The following MTMR4 variants were observed in gnomAD, a reference collection of about 807,000 sequenced individuals.
The protein encoded by MTMR4 is myotubularin related protein 4, also known as phosphatidylinositol-3,5-bisphosphate 3-phosphatase MTMR4.
In MTMR4, 30 loss-of-function variants were observed where a neutral mutation model predicts 125.5. The observed-to-expected ratio is 0.24, with a 90% CI of 0.18 to 0.32. The LOEUF (loss-of-function observed/expected upper bound fraction) is 0.32. Ranked by LOEUF, MTMR4 falls within the 10% of genes least tolerant of loss-of-function variation. The pLI is 1.00. For synonymous variants in MTMR4, 498 were observed against 564.5 expected, an observed-to-expected ratio of 0.88 and a Z score of 1.67; for missense variants, 1,039 against 1,511.5, an observed-to-expected ratio of 0.69 and a Z score of 5.18.
chr17:58,514,621 G>A lies in MTMR4; in HGVS notation c.-214C>T, dbSNP rs1035817748. On this transcript the variant is annotated 5_prime_UTR_variant, in exon 1 of 18. Coordinates refer to ENST00000682306, the MANE Select transcript of MTMR4 (RefSeq NM_001378067.1). Reference sequence around the variant, plus strand: ...CGGGCCCAGCTCCGCCCTCCCGCACGAGTGCAGAAGGGAGGGGAGCCAGGC... The same window carrying A: ...CGGGCCCAGCTCCGCCCTCCCGCACAAGTGCAGAAGGGAGGGGAGCCAGGC... 2.5e-5 allele frequency: 25 copies of A among 985,090 alleles called. No homozygotes were observed. In the African/African-American group the frequency reaches 4.2e-4, roughly 17 times the overall value. 61.0% of individuals were successfully genotyped at this position (985,090 alleles called of 1,614,324 possible).
At chr17:58,516,816 G>T (rs1212932771), upstream of MTMR4, among the ~76,000 whole-genome samples, 1 of 152,248 alleles carries the variant, frequency 6.6e-6, no homozygotes, top group Non-Finnish European at 1.5e-5. Context: ...AAGTGATCCT[G>T]CAGGGCATGA....
At chr17:58,516,419 A>G (rs916150871), upstream of MTMR4, among the ~76,000 whole-genome samples, 9 of 152,222 alleles carry the variant, frequency 5.9e-5, no homozygotes, top group African/African-American at 2.2e-4. Flanking sequence ...ATGTTTTGCA[A>G]TCTAAAGAAA....
At chr17:58,491,866 T>C (rs1488800711) in intron 17 of MTMR4, 26 bp from the exon 18 acceptor site, 1 of 1,604,488 alleles carries the variant, frequency 6.2e-7, no homozygotes, top group Non-Finnish European at 8.5e-7. Flanking sequence ...GAGGGAAGAG[T>C]TCATCAGAAA....
In MTMR4 at chr17:58,495,867, C is replaced by T; in HGVS notation, c.2317G>A (p.Glu773Lys). ...ACCTTGGAGAGTGCACTGACAGCTT[C>T]TGTTTCAGGACAATGTTCAGGTGGC... is the stretch of plus-strand genomic sequence containing the variant. ...GEPPEHCPET[E>K]AVSALSKVIS... The change falls in exon 15 of 18, where the codon GAA (glutamate) becomes AAA (lysine). Residue 773 changes from glutamate (E) to lysine (K), a missense_variant. Coordinates refer to ENST00000682306, the MANE Select transcript of MTMR4 (RefSeq NM_001378067.1). 1.2e-6 allele frequency: 2 copies of T among 1,614,182 alleles called. No individual in the cohort carries two copies. Among genetic ancestry groups the T allele is most frequent in the Non-Finnish European group, 1.7e-6 (2 of 1,180,042 alleles).
intron 14 of MTMR4, among the ~76,000 whole-genome samples, chr17:58,497,120 G>C (rs1349667452): frequency 1.3e-5 from 2 of 152,160 alleles, no homozygotes; most frequent in Non-Finnish European, 2.9e-5. Flanking sequence ...GCAGTTCAAA[G>C]TCCTTAGAGC....
rs1175782791 is a variant in MTMR4 at position 58,514,620 on chromosome 17, C to G, written c.-213G>C. ...GCGGGCCCAGCTCCGCCCTCCCGCA[C>G]GAGTGCAGAAGGGAGGGGAGCCAGG... On this transcript the variant is annotated 5_prime_UTR_variant, in exon 1 of 18. Coordinates refer to ENST00000682306, the MANE Select transcript of MTMR4 (RefSeq NM_001378067.1). The G allele has an allele frequency of 3.0e-6, 3 of 985,126 alleles. No individual in the cohort carries two copies. The African/African-American group carries it at 5.2e-5, about 17-fold the overall frequency. The allele number at this position is 985,126 out of a possible 1,614,324, so 61.0% of individuals were successfully genotyped here. A position where few individuals can be genotyped will look rare whatever the true frequency, so the allele number is the denominator to read the frequency against.
rs751929669 is a variant in MTMR4, at chr17:58,494,908, G to T, written c.3252+24C>A. 4 of 1,600,484 alleles carry T rather than the reference G, an allele frequency of 2.5e-6. No homozygotes were observed. The East Asian group carries it at 8.9e-5, about 36-fold the overall frequency. On this transcript the variant is annotated intron_variant, in intron 15 of 17. Coordinates refer to ENST00000682306, the MANE Select transcript of MTMR4 (RefSeq NM_001378067.1). ...TGGATGAACAGAGTAAATAATGGGT[G>T]TATGGCAGTTGGTGACTACTTACAA...
chr17:58,494,567 G>A (rs778548261), intron 15 of MTMR4, among the ~76,000 whole-genome samples: 2 of 152,010 alleles, frequency 1.3e-5, no homozygotes, highest in Non-Finnish European at 2.9e-5. Flanking sequence ...ATATATACTC[G>A]CATGTCCCAT....
chr17:58,512,995 C>T lies in MTMR4; in HGVS notation c.46-54G>A, dbSNP rs370980060. The T allele has an allele frequency of 8.6e-6, 11 of 1,280,970 alleles. No homozygotes were observed. The highest frequency in any genetic ancestry group is 3.0e-5 in the African/African-American group (2 of 67,666). 79.4% of individuals were successfully genotyped at this position (1,280,970 alleles called of 1,614,324 possible). On this transcript the variant is annotated intron_variant, in intron 1 of 17. Transcript: ENST00000682306. This position sits in a 1 kb window ranked among gnomAD's most constrained non-coding sequence, Gnocchi z 4.1. ...CAAGCTCCACTTAGCCCATCAGGCTCATTCTGCTCCTCTCCCCACCAAGAA... is the reference window on the plus strand; with the variant it reads ...CAAGCTCCACTTAGCCCATCAGGCTTATTCTGCTCCTCTCCCCACCAAGAA...
Position 58,490,470 on chromosome 17 carries a change from A to G in MTMR4, c.*1193T>C, listed in dbSNP as rs1975288312. On this transcript the variant is annotated 3_prime_UTR_variant, in exon 18 of 18. Transcript: ENST00000682306. The stretch of plus-strand genomic sequence containing the variant: ...TTAAAAACCAACAACGTTTGGTCCA[A>G]ATGGACACATGTTCTTTCCCAATTT... The G allele has an allele frequency of 6.6e-6, 1 of 152,670 alleles. No homozygotes were observed. Among genetic ancestry groups the G allele is most frequent in the Non-Finnish European group, 1.5e-5 (1 of 68,044 alleles). The allele number at this position is 152,670 out of a possible 1,614,324, so 9.5% of individuals were successfully genotyped here.
At chr17:58,509,430 T>TGA (rs398031187) in intron 4 of MTMR4, among the ~76,000 whole-genome samples, 4 of 150,434 alleles carry the variant, frequency 2.7e-5, no homozygotes, top group Non-Finnish European at 5.9e-5. Context: ...TTTTTTTTTT[T>TGA]GAGAGAGGGT....
rs147735370 is a variant in MTMR4, at chr17:58,495,694, G to A, written c.2490C>T (p.Asn830=). ...GAGTTTGGCAGGCAGCACTCGGTGGGTTGCAAACGGTGCTGAGGCTGTGAT... is the reference window on the plus strand; with the variant it reads ...GAGTTTGGCAGGCAGCACTCGGTGGATTGCAAACGGTGCTGAGGCTGTGAT... ...VLDHSLSTVC[N]PPSAACQTPL... Residue 830 remains asparagine, a synonymous_variant, in exon 15 of 18, where the codon AAC becomes AAT. Coordinates refer to ENST00000682306, the MANE Select transcript of MTMR4 (RefSeq NM_001378067.1). 3 of 1,614,152 alleles carry A rather than the reference G, an allele frequency of 1.9e-6. No individual in the cohort carries two copies. Among genetic ancestry groups the A allele is most frequent in the Non-Finnish European group, 2.5e-6 (3 of 1,180,040 alleles).
rs774625571 is a variant in MTMR4 at position 58,508,519 on chromosome 17, C to T, written c.542G>A (p.Gly181Asp). ...CRQEAELARM[G>D]FDLQNVWRVS... ...TCTCCAGACGTTCTGCAGGTCAAAGCCCATCCTTGCAAGCTCCGCCTCCTG... is the reference window on the plus strand; with the variant it reads ...TCTCCAGACGTTCTGCAGGTCAAAGTCCATCCTTGCAAGCTCCGCCTCCTG... Residue 181 changes from glycine to aspartate, a missense_variant, in exon 6 of 18, where the codon GGC becomes GAC. Gly to Asp is a moderately conservative substitution (Grantham distance 94). Transcript: ENST00000682306. The surrounding 1 kb of genome is among the most constrained non-coding windows in gnomAD (Gnocchi z 4.8). The T allele has an allele frequency of 3.1e-6, 5 of 1,614,218 alleles. No homozygotes were observed. In the South Asian group the frequency reaches 4.4e-5, roughly 14 times the overall value.
At chr17:58,509,475 G>A (rs1014713595) in intron 4 of MTMR4, among the ~76,000 whole-genome samples, 2 of 148,404 alleles carry the variant, frequency 1.3e-5, no homozygotes, top group African/African-American at 5.0e-5. Context: ...CTGGAGTGTA[G>A]TGGCACGATC....
chr17:58,506,592 T>C (rs1420974169), intron 9 of MTMR4, 151 bp downstream of exon 9: 1 of 933,192 alleles, frequency 1.1e-6, no homozygotes, highest in African/African-American at 1.7e-5. Context: ...AACTTCAGCA[T>C]AGTCATAGCC....
rs368784938 is a variant in MTMR4 at position 58,500,538 on chromosome 17, C to T, written c.1853+3206G>A. Among the ~76,000 whole-genome samples the T allele has an allele frequency of 2.2e-4, 33 of 152,038 alleles. No homozygotes were observed. The East Asian group carries it at 6.2e-3, about 29-fold the overall frequency. The stretch of plus-strand genomic sequence containing the variant: ...GGCCGAGGCGGGTAGATTACGAGGT[C>T]AAGAGATCGAGACCATCCTGGCCAA... On this transcript the variant is annotated intron_variant, in intron 14 of 17. Transcript: ENST00000682306.
chr17:58,513,050 T>G, intron 1 of MTMR4, 109 bp from the exon 2 acceptor site: 1 of 788,990 alleles, frequency 1.3e-6, no homozygotes, highest in African/African-American at 1.8e-5. Flanking sequence ...CACACACCTC[T>G]AAAGGTTCTG....
chr17:58,518,199 C>A (rs997640347), upstream of MTMR4, among the ~76,000 whole-genome samples: 1 of 152,240 alleles, frequency 6.6e-6, no homozygotes, highest in African/African-American at 2.4e-5. Context: ...CTGCTGGCCA[C>A]TGCTCTGGGG....
Position 58,494,874 on chromosome 17 carries a change from A to G in MTMR4, c.3252+58T>C. On this transcript the variant is annotated intron_variant, in intron 15 of 17. Transcript: ENST00000682306. Reference sequence around the variant, plus strand: ...TACCCAACGAATAAATGCTGAATGGAGGGAAGGCTGGATGAACAGAGTAAA... The same window carrying G: ...TACCCAACGAATAAATGCTGAATGGGGGGAAGGCTGGATGAACAGAGTAAA... 2.7e-6 allele frequency: 4 copies of G among 1,507,788 alleles called. No homozygotes were observed. The South Asian group carries it at 4.9e-5, about 18-fold the overall frequency. 93.4% of individuals were successfully genotyped at this position (1,507,788 alleles called of 1,614,324 possible).
Sources: allele counts gnomAD v4.1 joint callset (sites outside exome capture counted in the v4.1 genomes callset), GRCh38; gene constraint gnomAD v4.1.1; non-coding constraint Gnocchi (gnomAD v3.1); transcripts MANE v1.5; gene names NCBI Gene and HGNC (gene_info 2026-07-23, HGNC 2026-07-21).